MDGA2: variants seen among roughly 807,000 people sequenced by gnomAD.
MDGA2 encodes the protein MAM domain containing glycosylphosphatidylinositol anchor 2, also known as MAM domain-containing glycosylphosphatidylinositol anchor protein 2.
Under a neutral mutation model 117.8 loss-of-function variants are expected in MDGA2, and 40 were observed. The ratio of observed to expected loss-of-function variants is 0.34; its 90% CI spans 0.26 to 0.44. The LOEUF (loss-of-function observed/expected upper bound fraction) is 0.44. Among genes scored for constraint, MDGA2 ranks in the 20% least tolerant of loss-of-function variants. The probability of loss-of-function intolerance (pLI) is 1.00; values close to 1 mark genes in which losing one functional copy is unlikely to be tolerated. For synonymous variants in MDGA2, 452 were observed against 439.0 expected, an observed-to-expected ratio of 1.03 and a Z score of -0.37; for missense variants, 1,123 against 1,250.6, an observed-to-expected ratio of 0.90 and a Z score of 1.54.
intron 3 of MDGA2, among the ~76,000 whole-genome samples, chr14:47,215,446 T>G (rs1031715128): frequency 3.3e-5 from 5 of 152,052 alleles, no homozygotes; most frequent in Admixed American, 3.3e-4. Context: ...TTATAGAAAC[T>G]CAGGTAGAGA....
At chr14:47,243,800 C>T (rs749864967) in intron 2 of MDGA2, among the ~76,000 whole-genome samples, 24 of 151,788 alleles carry the variant, frequency 1.6e-4, no homozygotes, top group East Asian at 5.8e-4. Flanking sequence ...CCACCAATTC[C>T]GGACACAAAA....
rs55827732 is a variant in MDGA2, at chr14:47,155,888, C to CTTTTTTTTTTTTTTTTT, written c.596-11631_596-11615dup. Among the ~76,000 whole-genome samples, 71 of 40,148 alleles carry CTTTTTTTTTTTTTTTTT rather than the reference C, an allele frequency of 1.8e-3. 9 individuals are homozygous for CTTTTTTTTTTTTTTTTT. The highest frequency in any genetic ancestry group is 2.6e-3 in the East Asian group (4 of 1,538). 26.3% of individuals were successfully genotyped at this position (40,148 alleles called of 152,430 possible). On this transcript the variant is annotated intron_variant, in intron 3 of 16. Transcript: ENST00000399232. Reference sequence around the variant, plus strand: ...ATTCTTTTCTTTTCTTCTTCTTCTTCTTTTTTTTTTTTTTTTTTTTTTTTT... The same window carrying CTTTTTTTTTTTTTTTTT: ...ATTCTTTTCTTTTCTTCTTCTTCTTCTTTTTTTTTTTTTTTTTTTTTTTTTTTTTTTTTTTTTTTTTT...
At chr14:47,013,657 A>G (rs967807936) in intron 8 of MDGA2, among the ~76,000 whole-genome samples, 2 of 151,266 alleles carry the variant, frequency 1.3e-5, no homozygotes, top group Admixed American at 1.3e-4. Flanking sequence ...TATGATAGTT[A>G]TAACCTTATA....
At chr14:46,939,312 T>C (rs998626612) in intron 9 of MDGA2, among the ~76,000 whole-genome samples, 5 of 152,204 alleles carry the variant, frequency 3.3e-5, no homozygotes, top group Admixed American at 2.6e-4. Context: ...ATAGTAGATA[T>C]GCTAATTACT....
intron 1 of MDGA2, among the ~76,000 whole-genome samples, chr14:47,483,778 G>A (rs1894000490): frequency 6.6e-6 from 1 of 152,114 alleles, no homozygotes; most frequent in Non-Finnish European, 1.5e-5. Context: ...GTGAGTGGTT[G>A]GCATCTATTT....
At chr14:47,376,564 G>GGTC (rs1891482972) in intron 1 of MDGA2, among the ~76,000 whole-genome samples, 1 of 152,106 alleles carries the variant, frequency 6.6e-6, no homozygotes, top group South Asian at 2.1e-4. Context: ...TGTGCCTTTA[G>GGTC]TTCTCACCTC....
chr14:47,342,523 C>T (rs7154882), intron 1 of MDGA2, among the ~76,000 whole-genome samples: 13,675 of 151,916 alleles, frequency 0.09, 754 homozygotes, highest in Non-Finnish European at 0.11. Flanking sequence ...AAACCTAGAA[C>T]TAGGAAAATA....
At chr14:47,096,342 G>A (rs377562382) in intron 6 of MDGA2, among the ~76,000 whole-genome samples, 27 of 151,974 alleles carry the variant, frequency 1.8e-4, no homozygotes, top group African/African-American at 5.1e-4. Context: ...TTAGAACACC[G>A]TATCATATGA....
At chr14:47,128,546 A>T (rs559044410) in intron 5 of MDGA2, among the ~76,000 whole-genome samples, 2 of 152,296 alleles carry the variant, frequency 1.3e-5, no homozygotes, top group South Asian at 2.1e-4. Flanking sequence ...AGAATAACAT[A>T]ATTATAACCA....
rs145470990 is a variant in MDGA2, at chr14:47,357,019, C to T, written c.281-55469G>A. On this transcript the variant is annotated intron_variant, in intron 1 of 16. Coordinates refer to ENST00000399232, the MANE Select transcript of MDGA2 (RefSeq NM_001113498.3). ...TAACGGAGATTTTACTTTTACTTAG[C>T]GGAGATTTGTGGAGAATCCTTATCT... Among the ~76,000 whole-genome samples, 268 of 152,268 alleles carry T rather than the reference C, an allele frequency of 1.8e-3. 1 individual carries two copies. Among genetic ancestry groups the T allele is most frequent in the African/African-American group, 5.9e-3 (247 of 41,566 alleles).
intron 8 of MDGA2, among the ~76,000 whole-genome samples, chr14:46,966,926 T>C (rs922143981): frequency 6.4e-5 from 9 of 140,208 alleles, no homozygotes; most frequent in Admixed American, 2.3e-4. Context: ...AATAAGGGGA[T>C]GAGAGAGTAA....
intron 1 of MDGA2, among the ~76,000 whole-genome samples, chr14:47,530,068 A>G (rs1895063023): frequency 6.6e-6 from 1 of 152,212 alleles, no homozygotes; most frequent in African/African-American, 2.4e-5. Context: ...CAGAGAGCCT[A>G]TGAACAGACG....
rs372154834 is a variant in MDGA2, at chr14:46,943,670, G to C, written c.2089+13704C>G. ...TCACAAATGTAATAAATTTACAACA[G>C]TATAATTCAAATTAATTCCATCGCT... On this transcript the variant is annotated intron_variant, in intron 9 of 16. Coordinates refer to ENST00000399232, the MANE Select transcript of MDGA2 (RefSeq NM_001113498.3). Among the ~76,000 whole-genome samples the C allele has an allele frequency of 4.5e-4, 68 of 152,062 alleles. 1 individual carries two copies. Among genetic ancestry groups the C allele is most frequent in the South Asian group, 1.2e-3 (6 of 4,826 alleles).
chr14:46,850,442 C>T (rs967068974), intron 15 of MDGA2, among the ~76,000 whole-genome samples: 1 of 151,798 alleles, frequency 6.6e-6, no homozygotes, highest in East Asian at 1.9e-4. Flanking sequence ...ATATTTACAA[C>T]ATAGTTTCTT....
chr14:47,435,640 C>G (rs1283683269), intron 1 of MDGA2, among the ~76,000 whole-genome samples: 2 of 152,108 alleles, frequency 1.3e-5, no homozygotes, highest in Admixed American at 6.6e-5. Flanking sequence ...CTAGAGTCAT[C>G]ATAAATGGCC....
rs1898136904 is a variant in MDGA2 at position 47,674,445 on chromosome 14, C to T, written c.280+72G>A. 5 of 1,324,614 alleles carry T rather than the reference C, an allele frequency of 3.8e-6. No homozygotes were observed. In the South Asian group the frequency reaches 5.3e-5, roughly 14 times the overall value. 82.1% of individuals were successfully genotyped at this position (1,324,614 alleles called of 1,614,324 possible). On this transcript the variant is annotated intron_variant, in intron 1 of 16. Coordinates refer to ENST00000399232, the MANE Select transcript of MDGA2 (RefSeq NM_001113498.3). ...GGAGGGGCCCCGGAACGGCGCGAGTCGTGCATTTTCGCTCACCAGCCTATC... is the reference window on the plus strand; with the variant it reads ...GGAGGGGCCCCGGAACGGCGCGAGTTGTGCATTTTCGCTCACCAGCCTATC...
chr14:47,604,094 G>GT (rs1896696608), intron 1 of MDGA2, among the ~76,000 whole-genome samples: 1 of 152,060 alleles, frequency 6.6e-6, no homozygotes, highest in Admixed American at 6.6e-5. Context: ...CTGGTCACAG[G>GT]TATTACTTTA....
intron 1 of MDGA2, among the ~76,000 whole-genome samples, chr14:47,515,590 A>C (rs1894734568): frequency 6.6e-6 from 1 of 152,150 alleles, no homozygotes; most frequent in Non-Finnish European, 1.5e-5. Flanking sequence ...ATCTAATCTA[A>C]CACCCTAGTT....
At chr14:47,567,072 CT>C (rs574567708) in intron 1 of MDGA2, among the ~76,000 whole-genome samples, 11 of 151,786 alleles carry the variant, frequency 7.2e-5, no homozygotes, top group Admixed American at 1.3e-4. Flanking sequence ...GCCCAGCTAT[CT>C]TTTTTTAATT....
Sources: allele counts gnomAD v4.1 joint callset (sites outside exome capture counted in the v4.1 genomes callset), GRCh38; gene constraint gnomAD v4.1.1; transcripts MANE v1.5; gene names NCBI Gene and HGNC (gene_info 2026-07-23, HGNC 2026-07-21).